The following CFAP206 variants were observed in gnomAD, a reference collection of about 807,000 sequenced individuals.
CFAP206 encodes the protein cilia and flagella associated protein 206.
In CFAP206, 53 loss-of-function variants were observed where a neutral mutation model predicts 65.4. That is an observed-to-expected ratio of 0.81 (90% CI 0.65 to 1.02). The LOEUF is 1.02. Among genes scored for constraint, CFAP206 ranks in the 50% least tolerant of loss-of-function variants. The probability of loss-of-function intolerance (pLI) is 0.00; values close to 1 mark genes in which losing one functional copy is unlikely to be tolerated. For synonymous variants in CFAP206, 250 were observed against 254.4 expected (o/e 0.98, Z 0.17); for missense variants, 663 against 753.2 (o/e 0.88, Z 1.40).
chr6:87,442,763 C>T (rs1186704640), intron 11 of CFAP206, among the ~76,000 whole-genome samples: 1 of 152,038 alleles, frequency 6.6e-6, no homozygotes, highest in Non-Finnish European at 1.5e-5. Context: ...CTTTAATCTG[C>T]TAATGTGGTG....
At chr6:87,458,408 G>T (rs1768686555) in intron 11 of CFAP206, among the ~76,000 whole-genome samples, 1 of 152,112 alleles carries the variant, frequency 6.6e-6, no homozygotes, top group South Asian at 2.1e-4. Flanking sequence ...CCAAGATTTG[G>T]AAGCAACCCA....
intron 2 of CFAP206, among the ~76,000 whole-genome samples, chr6:87,410,373 A>G (rs962768263): frequency 1.1e-4 from 17 of 152,210 alleles, no homozygotes; most frequent in Admixed American, 7.9e-4. Flanking sequence ...TTCTAGCACC[A>G]TATTCAAGTT....
Position 87,459,562 on chromosome 6 carries a change from AAG to A in CFAP206, c.1495-1456_1495-1455del, listed in dbSNP as rs1268497903. ...CAGGTAGATGTTATAACCAGTTCAA[AAG>A]AGAACCCTAAGAACAGACACATTTA... On this transcript the variant is annotated intron_variant, in intron 11 of 12. Coordinates refer to ENST00000369562, the MANE Select transcript of CFAP206 (RefSeq NM_001031743.3). Among the ~76,000 whole-genome samples, 2 of 152,224 alleles carry A rather than the reference AAG, an allele frequency of 1.3e-5. 1 individual carries two copies. The highest frequency in any genetic ancestry group is 4.1e-4 in the South Asian group (2 of 4,830).
At chr6:87,454,359 C>T (rs1768599574) in intron 11 of CFAP206, among the ~76,000 whole-genome samples, 1 of 152,212 alleles carries the variant, frequency 6.6e-6, no homozygotes, top group Non-Finnish European at 1.5e-5. Context: ...AAACATCAGA[C>T]TTAATCTGCA....
At chr6:87,426,745 T>C (rs1768050221) in intron 8 of CFAP206, 100 bp downstream of exon 8, 1 of 954,586 alleles carries the variant, frequency 1.0e-6, no homozygotes, top group Non-Finnish European at 1.4e-6. Flanking sequence ...TTTCTAAAAA[T>C]ATAATGTTTT....
At position 87,428,564 on chromosome 6, in the gene CFAP206, G is replaced by T. The variant is rs191910901; in HGVS notation, c.961-62G>T. ...ATGACAATTGTATTTATCTTAAAGA[G>T]TACAGTGATTTATAATTTTATTACA... On this transcript the variant is annotated intron_variant, in intron 8 of 12. Coordinates refer to ENST00000369562, the MANE Select transcript of CFAP206 (RefSeq NM_001031743.3). 4 of 1,423,446 alleles carry T rather than the reference G, an allele frequency of 2.8e-6. No individual in the cohort carries two copies. In the Admixed American group the frequency reaches 6.7e-5, roughly 24 times the overall value. 88.2% of individuals were successfully genotyped at this position (1,423,446 alleles called of 1,614,324 possible).
intron 11 of CFAP206, among the ~76,000 whole-genome samples, chr6:87,446,512 G>A (rs1484318917): frequency 6.6e-6 from 1 of 152,130 alleles, no homozygotes; most frequent in Admixed American, 6.6e-5. Flanking sequence ...TTGTAGGTGT[G>A]CAGTTTTATT....
At chr6:87,434,778 G>A (rs111472982) in intron 10 of CFAP206, 82 bp from the exon 11 acceptor site, 14 of 814,670 alleles carry the variant, frequency 1.7e-5, no homozygotes, top group South Asian at 1.2e-4. Context: ...AATTACAGGC[G>A]TGAGCCACCA....
At chr6:87,433,835 C>T (rs1768203697) in intron 10 of CFAP206, among the ~76,000 whole-genome samples, 1 of 151,934 alleles carries the variant, frequency 6.6e-6, no homozygotes, top group Non-Finnish European at 1.5e-5. Context: ...CGTGGTGGCT[C>T]ATGCTTGTAA....
intron 11 of CFAP206, among the ~76,000 whole-genome samples, chr6:87,443,411 T>C (rs1768387775): frequency 6.6e-6 from 1 of 152,140 alleles, no homozygotes; most frequent in African/African-American, 2.4e-5. Context: ...CATTTGACTT[T>C]ATTGACCCTA....
chr6:87,441,906 A>G (rs1469194721), intron 11 of CFAP206: 5 of 308,618 alleles, frequency 1.6e-5, no homozygotes, highest in South Asian at 3.5e-5. Context: ...AGTTGGTCCC[A>G]TATGTCTTCC....
At chr6:87,432,343 G>A (rs970265300) in intron 10 of CFAP206, among the ~76,000 whole-genome samples, 7 of 152,100 alleles carry the variant, frequency 4.6e-5, no homozygotes, top group African/African-American at 1.7e-4. Context: ...AATATTCTGA[G>A]GCCCAGTGAG....
chr6:87,431,016 C>G lies in CFAP206; in HGVS notation c.1160-17C>G. 1 of 1,610,542 alleles carries G rather than the reference C, an allele frequency of 6.2e-7. No individual in the cohort carries two copies. Among genetic ancestry groups the G allele is most frequent in the South Asian group, 1.1e-5 (1 of 90,680 alleles). ...TTCTCACTGAATTAAAGCTTTTCTT[C>G]TTCTCCTTCATTTTAGAAGATAGAG... On this transcript the variant is annotated splice_polypyrimidine_tract_variant and intron_variant, in intron 9 of 12. Coordinates refer to ENST00000369562, the MANE Select transcript of CFAP206 (RefSeq NM_001031743.3).
At chr6:87,460,995 A>T in intron 11 of CFAP206, 27 bp from the exon 12 acceptor site, 1 of 1,551,124 alleles carries the variant, frequency 6.4e-7, no homozygotes. Context: ...TTTTACAAGC[A>T]CTAACTACAA....
intron 10 of CFAP206, 115 bp downstream of exon 10, chr6:87,431,288 T>A: frequency 1.0e-6 from 1 of 975,574 alleles, no homozygotes; most frequent in African/African-American, 1.6e-5. Context: ...AATGGTGAAC[T>A]AACAAAGGAT....
chr6:87,449,682 T>G (rs976555536), intron 11 of CFAP206, among the ~76,000 whole-genome samples: 3 of 152,160 alleles, frequency 2.0e-5, no homozygotes, highest in African/African-American at 7.2e-5. Context: ...TTGTTGTTTT[T>G]GTTTTGTTTT....
At chr6:87,444,850 A>G (rs1768417039) in intron 11 of CFAP206, 1 of 552,954 alleles carries the variant, frequency 1.8e-6, no homozygotes, top group Non-Finnish European at 3.5e-6. Flanking sequence ...GGGCAAGATC[A>G]TGGGCTGCTT....
chr6:87,417,571 A>G (rs62417633), intron 6 of CFAP206, among the ~76,000 whole-genome samples: 1 of 138,052 alleles, frequency 7.2e-6, no homozygotes, highest in African/African-American at 2.8e-5. Context: ...TTTTTTTTTA[A>G]TAACTAGAAA....
chr6:87,431,224 A>G, intron 10 of CFAP206, 51 bp downstream of exon 10: 1 of 1,543,666 alleles, frequency 6.5e-7, no homozygotes. Flanking sequence ...TTTTCTTTAT[A>G]TGGAGTTCTG....
Sources: allele counts gnomAD v4.1 joint callset (sites outside exome capture counted in the v4.1 genomes callset), GRCh38; gene constraint gnomAD v4.1.1; transcripts MANE v1.5; gene names NCBI Gene and HGNC (gene_info 2026-07-23, HGNC 2026-07-21).